Variants in RIPOR2 observed in about 807,000 individuals in gnomAD.
The protein encoded by RIPOR2 is RHO family interacting cell polarization regulator 2, also known as rho family-interacting cell polarization regulator 2.
In RIPOR2, 39 loss-of-function variants were observed where a neutral mutation model predicts 114.5. That is an observed-to-expected ratio of 0.34 (90% CI 0.26 to 0.44). The LOEUF (loss-of-function observed/expected upper bound fraction) is 0.44, where lower values mean the gene tolerates loss of function less well. Among genes scored for constraint, RIPOR2 ranks in the 20% least tolerant of loss-of-function variants. RIPOR2 has a pLI of 1.00. For missense variants in RIPOR2, 1,007 were observed against 1,255.1 expected, an observed-to-expected ratio of 0.80 and a Z score of 2.99; for synonymous variants, 445 against 484.4, an observed-to-expected ratio of 0.92 and a Z score of 1.07.
chr6:24,850,547 T>C (rs1762784117), intron 10 of RIPOR2, 50 bp downstream of exon 10: 1 of 1,609,642 alleles, frequency 6.2e-7, no homozygotes, highest in Non-Finnish European at 8.5e-7. Context: ...CACCAATGGA[T>C]CATCCAGCCG....
chr6:24,950,839 G>A (rs1772712859), intron 1 of RIPOR2, among the ~76,000 whole-genome samples: 2 of 152,326 alleles, frequency 1.3e-5, no homozygotes, highest in South Asian at 2.1e-4. Flanking sequence ...CTTTAGTGCT[G>A]ATTTCTCAAA....
chr6:24,895,329 G>A (rs1338588305), intron 1 of RIPOR2, among the ~76,000 whole-genome samples: 7 of 152,056 alleles, frequency 4.6e-5, no homozygotes, highest in Non-Finnish European at 7.4e-5. Flanking sequence ...GATTATTGGC[G>A]TGAGCCACCG....
At chr6:24,967,581 T>A (rs533874652) in intron 1 of RIPOR2, among the ~76,000 whole-genome samples, 81 of 152,298 alleles carry the variant, frequency 5.3e-4, no homozygotes, top group African/African-American at 1.9e-3. Flanking sequence ...CCCATATGAC[T>A]GTACCTGAGA....
intron 1 of RIPOR2, among the ~76,000 whole-genome samples, chr6:24,973,019 T>A (rs564308167): frequency 2.0e-5 from 3 of 152,134 alleles, no homozygotes; most frequent in African/African-American, 7.2e-5. Context: ...CTCTTTTAAT[T>A]ATCTATGGCA....
intron 1 of RIPOR2, among the ~76,000 whole-genome samples, chr6:24,894,534 A>G (rs1242702096): frequency 6.6e-6 from 1 of 152,192 alleles, no homozygotes; most frequent in Admixed American, 6.5e-5. Context: ...TTTTCTGTCA[A>G]CCGGGAGGGG....
At chr6:24,946,363 T>A (rs1772408163) in intron 1 of RIPOR2, among the ~76,000 whole-genome samples, 1 of 152,080 alleles carries the variant, frequency 6.6e-6, no homozygotes, top group African/African-American at 2.4e-5. Flanking sequence ...GTGTGAGCCA[T>A]CGCACCCTGC....
At position 24,806,318 on chromosome 6, in the gene RIPOR2, C is replaced by T. The variant is rs994630611; in HGVS notation, c.*55G>A. On this transcript the variant is annotated 3_prime_UTR_variant, in exon 22 of 22. Coordinates refer to ENST00000643898, the MANE Select transcript of RIPOR2 (RefSeq NM_001286445.3). ...CAATTTCCAGCCCAAACCACAGCAC[C>T]ATCCTGATGAAAAGGGCCAGATATT... 7 of 1,223,598 alleles carry T rather than the reference C, an allele frequency of 5.7e-6. No homozygotes were observed. In the Admixed American group the frequency reaches 1.0e-4, roughly 18 times the overall value. 75.8% of individuals were successfully genotyped at this position (1,223,598 alleles called of 1,614,324 possible).
At chr6:24,848,224 A>G in intron 11 of RIPOR2, 70 bp from the exon 12 acceptor site, 1 of 1,495,930 alleles carries the variant, frequency 6.7e-7, no homozygotes, top group Non-Finnish European at 9.2e-7. Flanking sequence ...CCACAGGCTA[A>G]GAGAGTACCT....
rs1020507516 is a variant in RIPOR2, at chr6:24,987,938, G to T, written c.76+53913C>A. Among the ~76,000 whole-genome samples the T allele has an allele frequency of 2.6e-5, 4 of 152,048 alleles. No homozygotes were observed. The South Asian group carries it at 6.2e-4, about 24-fold the overall frequency. ...TGTTTTTCCCTCATACTTATCTAAGGGGCCTTGCTACAAACTGCAGCTCTA... is the reference window on the plus strand; with the variant it reads ...TGTTTTTCCCTCATACTTATCTAAGTGGCCTTGCTACAAACTGCAGCTCTA... On this transcript the variant is annotated intron_variant, in intron 1 of 13. Coordinates refer to the RIPOR2 transcript ENST00000510784.
chr6:24,961,219 T>C (rs2114221165), intron 1 of RIPOR2, among the ~76,000 whole-genome samples: 1 of 152,230 alleles, frequency 6.6e-6, no homozygotes, highest in Admixed American at 6.5e-5. Context: ...TAAAGTGCCA[T>C]AAATATTAAG....
rs1363975245 is a variant in RIPOR2 at position 24,825,925 on chromosome 6, C to CTCT, written c.2666-498_2666-497insAGA. ...TTATTTATTTATTTAATGTTTTTCT[C>CTCT]TTTTTTTTTTTTTTTTTGAGACAGA... On this transcript the variant is annotated intron_variant, in intron 18 of 21. Coordinates refer to ENST00000643898, the MANE Select transcript of RIPOR2 (RefSeq NM_001286445.3). 1.6e-3 allele frequency among the ~76,000 whole-genome samples: 208 copies of CTCT among 126,296 alleles called. 2 individuals are homozygous for CTCT. Among genetic ancestry groups the CTCT allele is most frequent in the Non-Finnish European group, 2.9e-3 (177 of 61,744 alleles). The allele number at this position is 126,296 out of a possible 152,430, so 82.9% of individuals were successfully genotyped here. A position where few individuals can be genotyped will look rare whatever the true frequency, so the allele number is the denominator to read the frequency against.
chr6:25,014,994 CAG>C (rs67245008), intron 1 of RIPOR2: 19,625 of 152,154 alleles, frequency 0.13, 1,869 homozygotes, highest in East Asian at 0.5. Context: ...TTATTAAATG[CAG>C]AGACAGTTAT....
chr6:25,035,485 C>T (rs367864748), intron 1 of RIPOR2, among the ~76,000 whole-genome samples: 5 of 152,102 alleles, frequency 3.3e-5, no homozygotes, highest in African/African-American at 1.2e-4. Context: ...TTGGTCAGAA[C>T]GGCAGCAAGA....
intron 1 of RIPOR2, among the ~76,000 whole-genome samples, chr6:25,010,302 A>G (rs560805114): frequency 4.6e-5 from 7 of 152,130 alleles, no homozygotes; most frequent in African/African-American, 1.7e-4. Context: ...TGTTAGAAAG[A>G]GCCTGGCCCT....
intron 1 of RIPOR2, among the ~76,000 whole-genome samples, chr6:25,038,653 T>C (rs1777351335): frequency 6.6e-6 from 1 of 152,200 alleles, no homozygotes; most frequent in Non-Finnish European, 1.5e-5. Flanking sequence ...CCATTGAGCT[T>C]GGAAGGAGAC....
intron 1 of RIPOR2, among the ~76,000 whole-genome samples, chr6:24,890,500 A>T (rs1767249421): frequency 6.6e-6 from 1 of 152,136 alleles, no homozygotes; most frequent in African/African-American, 2.4e-5. Context: ...GACTTGGGAC[A>T]GTGGGGAGAG....
chr6:24,982,915 C>A (rs1481964339), intron 1 of RIPOR2, among the ~76,000 whole-genome samples: 1 of 152,144 alleles, frequency 6.6e-6, no homozygotes, highest in Non-Finnish European at 1.5e-5. Context: ...TTCCCTGCCT[C>A]ACTCATTGTC....
Position 24,870,871 on chromosome 6 carries a change from C to A in RIPOR2, c.442G>T (p.Asp148Tyr). ...NSRLGVLYDLDKQIKTIERYM... is the reference protein window; with the variant it reads ...NSRLGVLYDLYKQIKTIERYM... ...AACACGGAATGGCAACTTACCTTGTCTAGGTCATACAGTACACCCTACAAT... is the reference window on the plus strand; with the variant it reads ...AACACGGAATGGCAACTTACCTTGTATAGGTCATACAGTACACCCTACAAT... The change falls in exon 5 of 22, where the codon GAC becomes TAC. Residue 148 changes from aspartate to tyrosine, a missense_variant. Transcript: ENST00000643898. 6.2e-7 allele frequency: 1 copy of A among 1,603,668 alleles called. No homozygotes were observed. Among genetic ancestry groups the A allele is most frequent in the Non-Finnish European group, 8.5e-7 (1 of 1,174,804 alleles).
upstream of RIPOR2, chr6:24,936,178 T>C: frequency 3.3e-6 from 1 of 307,650 alleles, no homozygotes; most frequent in South Asian, 8.5e-5. Flanking sequence ...TCACTCAAAG[T>C]CTGAATGCAA....
Sources: allele counts gnomAD v4.1 joint callset (sites outside exome capture counted in the v4.1 genomes callset), GRCh38; gene constraint gnomAD v4.1.1; transcripts MANE v1.5; gene names NCBI Gene and HGNC (gene_info 2026-07-23, HGNC 2026-07-21).